Variants in SLC52A3 observed in about 807,000 individuals in gnomAD.
The protein encoded by SLC52A3 is solute carrier family 52, riboflavin transporter, member 3.
In SLC52A3, 20 loss-of-function variants were observed where a neutral mutation model predicts 29.5. The observed-to-expected ratio is 0.68, with a 90% CI of 0.48 to 0.99. The LOEUF is 0.99. Ranked by LOEUF, SLC52A3 falls within the 50% of genes least tolerant of loss-of-function variation. The pLI, the probability that SLC52A3 is intolerant of heterozygous loss-of-function variation, is 0.00. For synonymous variants in SLC52A3, 301 were observed against 271.0 expected (o/e 1.11, Z -1.09); for missense variants, 548 against 612.9 (o/e 0.89, Z 1.12).
At chr20:762,039 C>T (rs1490024453) in intron 3 of SLC52A3, among the ~76,000 whole-genome samples, 5 of 152,210 alleles carry the variant, frequency 3.3e-5, no homozygotes, top group South Asian at 2.1e-4. Flanking sequence ...CCTGGCACCC[C>T]GGCAAGAAAA....
upstream of SLC52A3, among the ~76,000 whole-genome samples, chr20:777,375 G>A (rs1274415013): frequency 2.0e-5 from 3 of 152,060 alleles, no homozygotes; most frequent in Admixed American, 2.0e-4. Flanking sequence ...ATAACCTCCA[G>A]AATAATGGCT....
At chr20:762,075 G>A (rs1986510479) in intron 3 of SLC52A3, among the ~76,000 whole-genome samples, 1 of 152,198 alleles carries the variant, frequency 6.6e-6, no homozygotes, top group African/African-American at 2.4e-5. Flanking sequence ...GCACCGGATG[G>A]TCCTGGTTCA....
intron 1 of SLC52A3, among the ~76,000 whole-genome samples, chr20:767,369 T>C (rs1986718412): frequency 1.3e-5 from 2 of 151,868 alleles, no homozygotes; most frequent in African/African-American, 4.8e-5. Flanking sequence ...CTTTTTTTTT[T>C]TTCTTGTGAC....
intron 1 of SLC52A3, among the ~76,000 whole-genome samples, chr20:767,978 C>G (rs537961079): frequency 1.2e-4 from 18 of 152,318 alleles, no homozygotes; most frequent in Non-Finnish European, 2.5e-4. Context: ...GAGTTTGACC[C>G]TGGCTCTGCT....
chr20:762,733 C>T (rs1485812648), intron 3 of SLC52A3, among the ~76,000 whole-genome samples: 1 of 152,202 alleles, frequency 6.6e-6, no homozygotes, highest in Non-Finnish European at 1.5e-5. Flanking sequence ...AATCCAGCTT[C>T]CTGGCAAGCT....
At chr20:761,524 C>T in intron 4 of SLC52A3, 177 bp downstream of exon 4, 1 of 941,444 alleles carries the variant, frequency 1.1e-6, no homozygotes, top group Non-Finnish European at 1.6e-6. Context: ...CTACCAGTCA[C>T]CTCGATTCCC....
At chr20:764,691 C>T (rs1178098254) in intron 2 of SLC52A3, among the ~76,000 whole-genome samples, 1 of 152,180 alleles carries the variant, frequency 6.6e-6, no homozygotes, top group Non-Finnish European at 1.5e-5. Flanking sequence ...AAATTGCAGG[C>T]TAAGGAGTAG....
chr20:773,449 G>A (rs1219681296), upstream of SLC52A3, among the ~76,000 whole-genome samples: 3 of 152,160 alleles, frequency 2.0e-5, no homozygotes, highest in Non-Finnish European at 4.4e-5. Context: ...TTACATCCAG[G>A]CATGCTTGAC....
At chr20:761,640 C>CA (rs1986486201) in intron 4 of SLC52A3, 61 bp downstream of exon 4, 1 of 1,606,056 alleles carries the variant, frequency 6.2e-7, no homozygotes. Flanking sequence ...CAAGCTCTCC[C>CA]AGGCCTTGGC....
intron 1 of SLC52A3, among the ~76,000 whole-genome samples, chr20:766,607 C>T (rs1986693732): frequency 1.3e-5 from 2 of 152,060 alleles, no homozygotes; most frequent in African/African-American, 2.4e-5. Flanking sequence ...CACCCCTGCC[C>T]GCCAGGGAAC....
upstream of SLC52A3, among the ~76,000 whole-genome samples, chr20:773,024 C>A (rs1986895366): frequency 6.6e-6 from 1 of 152,230 alleles, no homozygotes; most frequent in African/African-American, 2.4e-5. Context: ...GGGGAGGAGA[C>A]AGGGCAGGTC....
upstream of SLC52A3, among the ~76,000 whole-genome samples, chr20:770,921 A>G (rs901348799): frequency 8.5e-5 from 13 of 152,220 alleles, no homozygotes; most frequent in African/African-American, 2.9e-4. The surrounding 1 kb of genome is among the most constrained non-coding windows in gnomAD (Gnocchi z 4.5). Flanking sequence ...TGTGATGGCC[A>G]GAACTCCAGC....
chr20:765,230 G>T lies in SLC52A3; in HGVS notation c.545C>A (p.Thr182Lys). 1 of 1,614,168 alleles carries T rather than the reference G, an allele frequency of 6.2e-7. No individual in the cohort carries two copies. Among genetic ancestry groups the T allele is most frequent in the Admixed American group, 1.7e-5 (1 of 60,016 alleles). Reference protein sequence around the residue: ...ISDSVPSPVPTRETDIAQGVP... With the variant: ...ISDSVPSPVPKRETDIAQGVP... ...TACCTGTGCGATGTCAGTCTCCCTC[G>T]TGGGTACAGGGCTTGGTACGCTGTC... Residue 182 changes from threonine to lysine, a missense_variant, in exon 2 of 5, where the codon ACG becomes AAG. Around this residue, in one of 2 missense-constraint regions of SLC52A3, gnomAD observed 375 missense variants for 471.1 expected, o/e 0.80. Transcript: ENST00000645534. This position sits in a 1 kb window ranked among gnomAD's most constrained non-coding sequence, Gnocchi z 6.6.
rs768935199 is a variant in SLC52A3 at position 765,259 on chromosome 20, T to C, written c.516A>G (p.Ile172Met). 2 of 1,614,014 alleles carry C rather than the reference T, an allele frequency of 1.2e-6. No individual in the cohort carries two copies. Among genetic ancestry groups the C allele is most frequent in the African/African-American group, 1.3e-5 (1 of 74,904 alleles). ...GLTTCVNVTE[I>M]SDSVPSPVPT... Reference sequence around the variant, plus strand: ...GTACAGGGCTTGGTACGCTGTCTGATATCTCAGTGACATTGACGCAGGTAG... The same window carrying C: ...GTACAGGGCTTGGTACGCTGTCTGACATCTCAGTGACATTGACGCAGGTAG... The change falls in exon 2 of 5, where the codon ATA becomes ATG. Residue 172 changes from isoleucine to methionine, a missense_variant. Transcript: ENST00000645534. This position sits in a 1 kb window ranked among gnomAD's most constrained non-coding sequence, Gnocchi z 6.6.
Position 761,199 on chromosome 20 carries a change from C to T in SLC52A3, c.1237G>A (p.Val413Ile). Residue 413 changes from valine to isoleucine, a missense_variant, in exon 5 of 5, where the codon GTC becomes ATC. Val to Ile is a conservative substitution (Grantham distance 29). This residue lies in a region of SLC52A3 where 173 missense variants were observed against 141.8 expected (regional missense o/e 1.22). Transcript: ENST00000645534. Reference sequence around the variant, plus strand: ...AGGACCACGCCCAGCATCACCTTGACGTAACTGAGGCAGCCGCTGAAAAGC... The same window carrying T: ...AGGACCACGCCCAGCATCACCTTGATGTAACTGAGGCAGCCGCTGAAAAGC... ...WVLFSGCLSY[V>I]KVMLGVVLRD... 6.4e-7 allele frequency: 1 copy of T among 1,563,510 alleles called. No homozygotes were observed. The highest frequency in any genetic ancestry group is 8.7e-7 in the Non-Finnish European group (1 of 1,155,310).
chr20:773,555 C>A (rs1305644489), intron 1 of SLC52A3, among the ~76,000 whole-genome samples: 1 of 152,062 alleles, frequency 6.6e-6, no homozygotes, highest in East Asian at 1.9e-4. Context: ...TCACAGATGG[C>A]CTCCCAAGAC....
Position 760,926 on chromosome 20 carries a change from C to G in SLC52A3, c.*100G>C. 1 of 1,238,212 alleles carries G rather than the reference C, an allele frequency of 8.1e-7. No individual in the cohort carries two copies. The highest frequency in any genetic ancestry group is 1.1e-6 in the Non-Finnish European group (1 of 877,384). The allele number at this position is 1,238,212 out of a possible 1,614,324, so 76.7% of individuals were successfully genotyped here. On this transcript the variant is annotated 3_prime_UTR_variant, in exon 5 of 5. Coordinates refer to ENST00000645534, the MANE Select transcript of SLC52A3 (RefSeq NM_033409.4). The surrounding 1 kb of genome is among the most constrained non-coding windows in gnomAD (Gnocchi z 4.9). ...GGCACTTGCGTTCATGATTCAATTA[C>G]TCAGGCTCTGTCTCTCTGTTCCTGC...
At position 763,799 on chromosome 20, in the gene SLC52A3, C is replaced by G. The variant is rs1194805426; in HGVS notation, c.772G>C (p.Asp258His). Residue 258 changes from aspartate to histidine, a missense_variant, in exon 3 of 5, where the codon GAC becomes CAC. Asp to His is a moderately conservative substitution (Grantham distance 81). Around this residue, in one of 2 missense-constraint regions of SLC52A3, gnomAD observed 375 missense variants for 471.1 expected, o/e 0.80. Coordinates refer to ENST00000645534, the MANE Select transcript of SLC52A3 (RefSeq NM_033409.4). ...CGGATGGAGTGGAGGGTGACCTGGT[C>G]ATTGAGGAGGTCTTCCACGGAAGCC... ...WEASVEDLLN[D>H]QVTLHSIRPR... is the part of the protein sequence containing the mutation. 6.2e-7 allele frequency: 1 copy of G among 1,613,926 alleles called. No individual in the cohort carries two copies. The highest frequency in any genetic ancestry group is 2.2e-5 in the East Asian group (1 of 44,886).
chr20:772,503 G>A (rs1413218700), upstream of SLC52A3, among the ~76,000 whole-genome samples: 1 of 152,190 alleles, frequency 6.6e-6, no homozygotes, highest in Admixed American at 6.5e-5. Context: ...GTGCAAAAAG[G>A]CCCCAGAGAA....
Sources: gnomAD v4.1 joint callset for allele counts (sites outside exome capture counted in the v4.1 genomes callset) on GRCh38, gnomAD v4.1.1 for gene constraint, gnomAD v4.1.1 regional missense constraint, Gnocchi (gnomAD v3.1) non-coding constraint, MANE v1.5 for transcripts, NCBI Gene and HGNC (gene_info 2026-07-23, HGNC 2026-07-21) for gene names.